The following ATAD2B variants were observed in gnomAD, a reference collection of about 807,000 sequenced individuals.
ATAD2B encodes the protein ATPase family AAA domain containing 2B.
ATAD2B carries 40 observed loss-of-function variants against 167.6 expected under a neutral mutation model. The ratio of observed to expected loss-of-function variants is 0.24; its 90% CI spans 0.19 to 0.31. ATAD2B has a LOEUF of 0.31. Ranked by LOEUF, ATAD2B falls within the 10% of genes least tolerant of loss-of-function variation. The pLI is 1.00. For synonymous variants in ATAD2B, 579 were observed against 596.5 expected, an observed-to-expected ratio of 0.97 and a Z score of 0.43; for missense variants, 1,242 against 1,757.2, an observed-to-expected ratio of 0.71 and a Z score of 5.24.
chr2:23,841,337 T>C (rs1000455282), intron 13 of ATAD2B, among the ~76,000 whole-genome samples: 1 of 152,200 alleles, frequency 6.6e-6, no homozygotes, highest in Non-Finnish European at 1.5e-5. Flanking sequence ...TTATTTTGTC[T>C]AAAATTAATG....
the ATAD2B span, among the ~76,000 whole-genome samples, chr2:23,712,784 A>G: frequency 3.0e-4 from 45 of 152,336 alleles, no homozygotes; most frequent in African/African-American, 1.1e-3. Context: ...CAAAAAAAAA[A>G]TAAGACTCCA....
At chr2:23,816,915 T>C (rs1230213302) in intron 17 of ATAD2B, among the ~76,000 whole-genome samples, 1 of 152,206 alleles carries the variant, frequency 6.6e-6, no homozygotes, top group Non-Finnish European at 1.5e-5. Context: ...TCAACATTGT[T>C]TCAGGAGACT....
At chr2:23,743,504 A>G in the ATAD2B span, among the ~76,000 whole-genome samples, 2 of 151,174 alleles carry the variant, frequency 1.3e-5, no homozygotes, top group Admixed American at 1.3e-4. Context: ...TGGAGGTTAC[A>G]GTGAGCCGAC....
the ATAD2B span, among the ~76,000 whole-genome samples, chr2:23,699,173 C>T: frequency 3.9e-5 from 6 of 152,344 alleles, no homozygotes; most frequent in Admixed American, 2.6e-4. Context: ...GGCAGAGGCA[C>T]GGGCTCTGGG....
chr2:23,919,129 G>A (rs941457810), intron 1 of ATAD2B, among the ~76,000 whole-genome samples: 1 of 152,000 alleles, frequency 6.6e-6, no homozygotes, highest in African/African-American at 2.4e-5. Context: ...GATTGCTTGA[G>A]GCCAGTAGTT....
intron 7 of ATAD2B, among the ~76,000 whole-genome samples, chr2:23,878,474 C>A (rs1382925467): frequency 6.6e-6 from 1 of 151,260 alleles, no homozygotes; most frequent in Admixed American, 6.6e-5. Flanking sequence ...CTGGCTAACA[C>A]GAAGAAACCC....
chr2:23,752,054 A>G lies in ATAD2B; in HGVS notation c.4369T>C (p.Phe1457Leu), dbSNP rs545160829. ...MERTVHMFET[F>L]L is the part of the protein sequence containing the mutation. The stretch of plus-strand genomic sequence containing the variant: ...CACTCATCTTGAAAAGTTCATAGGA[A>G]TGTCTCAAACATATGAACTGTTCTT... The change falls in exon 28 of 28, where the codon TTC becomes CTC. Residue 1457 changes from phenylalanine to leucine, a missense_variant. Physicochemically the swap from Phe to Leu is conservative, Grantham distance 22. Coordinates refer to ENST00000238789, the MANE Select transcript of ATAD2B (RefSeq NM_017552.4). 6 of 1,563,534 alleles carry G rather than the reference A, an allele frequency of 3.8e-6. No homozygotes were observed. The highest frequency in any genetic ancestry group is 5.2e-6 in the Non-Finnish European group (6 of 1,151,302).
chr2:23,725,372 A>C, the ATAD2B span, among the ~76,000 whole-genome samples: 1 of 152,274 alleles, frequency 6.6e-6, no homozygotes, highest in African/African-American at 2.4e-5. Flanking sequence ...AGGAAGAGCA[A>C]CACAAACAAT....
chr2:23,824,051 T>C (rs1444943040), intron 15 of ATAD2B, among the ~76,000 whole-genome samples: 14 of 152,134 alleles, frequency 9.2e-5, no homozygotes. Flanking sequence ...CAGCCTCAAG[T>C]GGTTCTCCCA....
chr2:23,854,873 C>T lies in ATAD2B; in HGVS notation c.1568+2542G>A, dbSNP rs149709380. Among the ~76,000 whole-genome samples the T allele has an allele frequency of 3.3e-3, 499 of 152,058 alleles. 4 individuals carry two copies. Among genetic ancestry groups the T allele is most frequent in the African/African-American group, 0.012 (485 of 41,492 alleles). Reference sequence around the variant, plus strand: ...AGTCCTAACTAAGCAAACAAAGATACAAGCCAGAACACTGGAAAAAAATTT... The same window carrying T: ...AGTCCTAACTAAGCAAACAAAGATATAAGCCAGAACACTGGAAAAAAATTT... On this transcript the variant is annotated intron_variant, in intron 13 of 27. Transcript: ENST00000238789.
chr2:23,819,766 G>A lies in ATAD2B; in HGVS notation c.2248C>T (p.Pro750Ser), dbSNP rs1256601205. Residue 750 changes from proline to serine, a missense_variant, in exon 17 of 28, where the codon CCC becomes TCC. Physicochemically the swap from Pro to Ser is moderately conservative, Grantham distance 74 (BLOSUM62 -1). Coordinates refer to ENST00000238789, the MANE Select transcript of ATAD2B (RefSeq NM_017552.4). ...KQSSSAAIHK[P>S]YLHFTMSPYH... ...ACTCACATTGTAAAATGAAGGTAGGGTTTATGTATAGCAGCAGATGATGAC... is the reference window on the plus strand; with the variant it reads ...ACTCACATTGTAAAATGAAGGTAGGATTTATGTATAGCAGCAGATGATGAC... 1.1e-5 allele frequency: 17 copies of A among 1,607,854 alleles called. No individual in the cohort carries two copies. Among genetic ancestry groups the A allele is most frequent in the Non-Finnish European group, 1.4e-5 (17 of 1,176,678 alleles).
At chr2:23,765,177 T>G (rs1677238070) in intron 23 of ATAD2B, among the ~76,000 whole-genome samples, 1 of 152,160 alleles carries the variant, frequency 6.6e-6, no homozygotes, top group Non-Finnish European at 1.5e-5. Context: ...TACCAGAAAG[T>G]AAACTGATGA....
At chr2:23,894,522 T>G (rs993602199) in intron 2 of ATAD2B, among the ~76,000 whole-genome samples, 31 of 151,228 alleles carry the variant, frequency 2.0e-4, no homozygotes, top group African/African-American at 7.5e-4. Context: ...CATAAAGGCC[T>G]GCTGGGTGGA....
At chr2:23,859,722 C>T (rs566494441) in intron 12 of ATAD2B, among the ~76,000 whole-genome samples, 1 of 151,834 alleles carries the variant, frequency 6.6e-6, no homozygotes, top group African/African-American at 2.4e-5. Flanking sequence ...TCGAGACAGG[C>T]GGATCTCTTG....
chr2:23,916,124 A>G (rs1703008803), intron 1 of ATAD2B, among the ~76,000 whole-genome samples: 1 of 152,188 alleles, frequency 6.6e-6, no homozygotes, highest in Non-Finnish European at 1.5e-5. Flanking sequence ...GAAGTACATA[A>G]TGCCCAAACA....
chr2:23,782,585 T>C (rs979618995), intron 22 of ATAD2B, among the ~76,000 whole-genome samples: 2 of 152,214 alleles, frequency 1.3e-5, no homozygotes, highest in Admixed American at 6.5e-5. Flanking sequence ...AGCCCTGCAA[T>C]TGTTGACTAA....
chr2:23,739,076 C>T, the ATAD2B span, among the ~76,000 whole-genome samples: 2 of 152,144 alleles, frequency 1.3e-5, no homozygotes, highest in Non-Finnish European at 2.9e-5. Flanking sequence ...TACAAAGAGA[C>T]TTACACTCCC....
At chr2:23,842,046 T>G (rs1302150483) in intron 13 of ATAD2B, among the ~76,000 whole-genome samples, 1 of 152,194 alleles carries the variant, frequency 6.6e-6, no homozygotes, top group African/African-American at 2.4e-5. Context: ...CATCATTATA[T>G]TTTGTTTTTG....
chr2:23,727,726 C>T, the ATAD2B span, among the ~76,000 whole-genome samples: 2 of 152,056 alleles, frequency 1.3e-5, no homozygotes, highest in African/African-American at 2.4e-5. Flanking sequence ...GAATATTGCT[C>T]AGTGCTAAAA....
Sources: gnomAD v4.1 joint callset for allele counts (sites outside exome capture counted in the v4.1 genomes callset) on GRCh38, gnomAD v4.1.1 for gene constraint, MANE v1.5 for transcripts, NCBI Gene and HGNC (gene_info 2026-07-23, HGNC 2026-07-21) for gene names.